Variants in LIG3 observed in about 807,000 individuals in gnomAD.
The protein encoded by LIG3 is ligase II, DNA, ATP-dependent.
In LIG3, 58 loss-of-function variants were observed where a neutral mutation model predicts 110.9. The ratio of observed to expected loss-of-function variants is 0.52; its 90% CI spans 0.42 to 0.65. The LOEUF is 0.65. Ranked by LOEUF, LIG3 falls within the 30% of genes least tolerant of loss-of-function variation. The pLI is 0.00. For synonymous variants in LIG3, 422 were observed against 472.8 expected, an observed-to-expected ratio of 0.89 and a Z score of 1.39; for missense variants, 1,094 against 1,273.8, an observed-to-expected ratio of 0.86 and a Z score of 2.15.
intron 8 of LIG3, among the ~76,000 whole-genome samples, chr17:34,993,953 C>T (rs753082838): frequency 6.6e-6 from 1 of 152,186 alleles, no homozygotes; most frequent in Non-Finnish European, 1.5e-5. Context: ...AGCCAGAGGT[C>T]TTGCAAGGCC....
intron 14 of LIG3, 104 bp downstream of exon 14, chr17:34,998,831 T>C (rs1280876875): frequency 1.7e-5 from 24 of 1,411,150 alleles, no homozygotes; most frequent in Non-Finnish European, 2.2e-5. Context: ...TGGCCAGTTA[T>C]GACTTCCGAA....
intron 12 of LIG3, 85 bp from the exon 13 acceptor site, chr17:34,998,134 A>G: frequency 1.0e-6 from 1 of 971,226 alleles, no homozygotes; most frequent in Non-Finnish European, 1.6e-6. Flanking sequence ...TGGACACTTA[A>G]CTAGTGTGTG....
chr17:34,985,196 C>T (rs2090642781), intron 2 of LIG3, among the ~76,000 whole-genome samples: 1 of 152,222 alleles, frequency 6.6e-6, no homozygotes, highest in African/African-American at 2.4e-5. Flanking sequence ...TGCATATTTA[C>T]ATATGCATAT....
chr17:35,002,234 G>T (rs1339395532), intron 18 of LIG3, 130 bp downstream of exon 18: 3 of 808,138 alleles, frequency 3.7e-6, no homozygotes, highest in African/African-American at 3.5e-5. Flanking sequence ...AGTGGACACA[G>T]ACTACATTCC....
chr17:34,982,409 C>T (rs2090605639), intron 1 of LIG3, among the ~76,000 whole-genome samples: 1 of 152,096 alleles, frequency 6.6e-6, no homozygotes, highest in South Asian at 2.1e-4. Flanking sequence ...CTTTGGGAGG[C>T]CGAGGCGGGC....
chr17:34,991,876 G>C lies in LIG3; in HGVS notation c.1208+39G>C, dbSNP rs1158148618. On this transcript the variant is annotated intron_variant, in intron 6 of 19. Transcript: ENST00000378526. ...CTCCGTCAAACCATGCCCATAGAGA[G>C]ATGAACTCTCTTGGGAAGGGAAGGT... The C allele has an allele frequency of 1.9e-6, 3 of 1,613,792 alleles. No homozygotes were observed. The African/African-American group carries it at 4.0e-5, about 22-fold the overall frequency.
At position 35,004,539 on chromosome 17, in the gene LIG3, T is replaced by C; in HGVS notation, c.*33T>C. ...GTCTTCCCTCTCCCTCAGGCCATACTCTCCTTTACCATACTACTGGACTGG... is the reference window on the plus strand; with the variant it reads ...GTCTTCCCTCTCCCTCAGGCCATACCCTCCTTTACCATACTACTGGACTGG... On this transcript the variant is annotated 3_prime_UTR_variant, in exon 20 of 20. Coordinates refer to ENST00000378526, the MANE Select transcript of LIG3 (RefSeq NM_013975.4). The C allele has an allele frequency of 6.4e-7, 1 of 1,559,582 alleles. No individual in the cohort carries two copies. The highest frequency in any genetic ancestry group is 8.8e-7 in the Non-Finnish European group (1 of 1,131,400).
Position 35,004,285 on chromosome 17 carries a change from A to G in LIG3, c.2809A>G (p.Ile937Val), listed in dbSNP as rs139748729. 5.8e-5 allele frequency: 93 copies of G among 1,614,104 alleles called. No homozygotes were observed. In the East Asian group the frequency reaches 1.2e-3, roughly 20 times the overall value. ...TLCQTKVLLD[I>V]FTGVRLYLPP... ...TCTGCATTTGCAGGTATTGCTGGAC[A>G]TCTTCACTGGGGTGCGGCTTTACTT... The change falls in exon 20 of 20, where the codon ATC becomes GTC. Residue 937 changes from isoleucine to valine, a missense_variant. Physicochemically the swap from Ile to Val is conservative, Grantham distance 29 (BLOSUM62 3). Transcript: ENST00000378526.
rs1243562188 is a variant in LIG3, at chr17:34,992,657, C to T, written c.1420C>T (p.Gln474Ter). The T allele has an allele frequency of 6.2e-7, 1 of 1,610,596 alleles. No homozygotes were observed. Among genetic ancestry groups the T allele is most frequent in the Non-Finnish European group, 8.5e-7 (1 of 1,178,486 alleles). ...EPGQRRALSVQASLMTPVQPM... is the reference protein window; with the variant it reads ...EPGQRRALSV ...GGGCCAGAGACGAGCTCTGAGCGTC[C>T]AGGCCTCGCTGATGACACCTGTGCA... Residue 474 changes from glutamine (Q) to a stop codon, truncating the protein, a stop_gained, in exon 8 of 20, where the codon CAG becomes TAG. Transcript: ENST00000378526. LOFTEE classifies it high-confidence loss of function.
rs868715336 is a variant in LIG3 at position 35,009,424 on chromosome 17, C to T, written c.*4918C>T. On this transcript the variant is annotated 3_prime_UTR_variant, in exon 20 of 20. Transcript: ENST00000378526. ...AATCAGCAAAAGCTACGGAATAATT[C>T]TAAGAATTAGATGTTTCCATATCAT... 1 of 151,946 alleles carries T rather than the reference C, an allele frequency of 6.6e-6. No individual in the cohort carries two copies. The highest frequency in any genetic ancestry group is 1.5e-5 in the Non-Finnish European group (1 of 67,990). The allele number at this position is 151,946 out of a possible 1,614,324, so 9.4% of individuals were successfully genotyped here.
chr17:35,005,904 A>G lies in LIG3; in HGVS notation c.*1398A>G. The G allele has an allele frequency of 6.0e-6, 2 of 332,840 alleles. No homozygotes were observed. The highest frequency in any genetic ancestry group is 4.2e-5 in the Admixed American group (1 of 23,816). 20.6% of individuals were successfully genotyped at this position (332,840 alleles called of 1,614,324 possible). ...GGAAGCATATTGAAGCTCGGACTAG[A>G]ATTTCTTCTTGGTATCAGAGAGACA... On this transcript the variant is annotated 3_prime_UTR_variant, in exon 20 of 20. Coordinates refer to ENST00000378526, the MANE Select transcript of LIG3 (RefSeq NM_013975.4).
rs2090622634 is a variant in LIG3, at chr17:34,983,241, T to C, written c.236T>C (p.Val79Ala). Residue 79 changes from valine to alanine, a missense_variant, in exon 2 of 20, where the codon GTG becomes GCG. Transcript: ENST00000378526. ...CTTGTTTTCTTGCCAGGGTTGCATG[T>C]GGGACTCTGCAGTGGCCCCTGTGAG... Reference protein sequence around the residue: ...TYLVFLPGLHVGLCSGPCEMA... With the variant: ...TYLVFLPGLHAGLCSGPCEMA... 1 of 1,614,088 alleles carries C rather than the reference T, an allele frequency of 6.2e-7. No homozygotes were observed. The highest frequency in any genetic ancestry group is 1.3e-5 in the African/African-American group (1 of 74,924).
Position 34,998,671 on chromosome 17 carries a change from T to C in LIG3, c.2057T>C (p.Met686Thr). ...AAAGACTATTTGAACGAGGGGGCCA[T>C]GGCCGACACAGCTGACCTGGTGGTC... ...VKKDYLNEGA[M>T]ADTADLVVLG... The change falls in exon 14 of 20, where the codon ATG (methionine) becomes ACG (threonine). Residue 686 changes from methionine to threonine, a missense_variant. Coordinates refer to ENST00000378526, the MANE Select transcript of LIG3 (RefSeq NM_013975.4). 1.9e-6 allele frequency: 3 copies of C among 1,614,170 alleles called. No homozygotes were observed. Among genetic ancestry groups the C allele is most frequent in the Non-Finnish European group, 2.5e-6 (3 of 1,180,018 alleles).
At chr17:34,991,197 C>A in intron 5 of LIG3, 83 bp downstream of exon 5, 1 of 1,235,584 alleles carries the variant, frequency 8.1e-7, no homozygotes, top group Non-Finnish European at 1.1e-6. Context: ...TTTTTTTTTT[C>A]TGGTTGGGAC....
chr17:34,995,435 T>A (rs2090768103), intron 9 of LIG3, among the ~76,000 whole-genome samples: 1 of 152,216 alleles, frequency 6.6e-6, no homozygotes, highest in African/African-American at 2.4e-5. Context: ...AGTCCTTTCC[T>A]TAATTTTCCC....
At chr17:34,984,274 C>G (rs754622566) in intron 2 of LIG3, among the ~76,000 whole-genome samples, 17 of 152,150 alleles carry the variant, frequency 1.1e-4, no homozygotes, top group Non-Finnish European at 2.4e-4. Context: ...TGAAATATTT[C>G]CATAGTCTCT....
chr17:34,999,592 T>C, intron 15 of LIG3, 143 bp downstream of exon 15: 2 of 1,208,832 alleles, frequency 1.7e-6, no homozygotes, highest in Non-Finnish European at 2.3e-6. Flanking sequence ...TTAGGCCTTA[T>C]AATCTCTGAA....
chr17:34,981,175 A>C (rs1440509133), intron 1 of LIG3: 2 of 152,386 alleles, frequency 1.3e-5, no homozygotes, highest in Non-Finnish European at 2.9e-5. Flanking sequence ...AACGAGGGAC[A>C]GACGGGTTTC....
At chr17:34,986,570 C>G (rs985046571) in intron 3 of LIG3, among the ~76,000 whole-genome samples, 2 of 152,176 alleles carry the variant, frequency 1.3e-5, no homozygotes, top group Non-Finnish European at 2.9e-5. Context: ...GATCCACCTG[C>G]CCCAGCTTCC....
Sources: gnomAD v4.1 joint callset for allele counts (sites outside exome capture counted in the v4.1 genomes callset) on GRCh38, gnomAD v4.1.1 for gene constraint, MANE v1.5 for transcripts, NCBI Gene and HGNC (gene_info 2026-07-23, HGNC 2026-07-21) for gene names.